Variants in ATF7IP observed in about 807,000 individuals in gnomAD.
The protein encoded by ATF7IP is activating transcription factor 7-interacting protein 1.
In ATF7IP, 23 loss-of-function variants were observed where a neutral mutation model predicts 106.4. The ratio of observed to expected loss-of-function variants is 0.22; its 90% confidence interval spans 0.16 to 0.31. The LOEUF is 0.31. Among genes scored for constraint, ATF7IP ranks in the 10% least tolerant of loss-of-function variants. The pLI, the probability that ATF7IP is intolerant of heterozygous loss-of-function variation, is 1.00. For missense variants in ATF7IP, 1,334 were observed against 1,524.3 expected (o/e 0.88, Z 2.08); for synonymous variants, 542 against 539.0 (o/e 1.01, Z -0.08).
intron 1 of ATF7IP, 138 bp from the exon 2 acceptor site, chr12:14,423,771 C>A (rs1343642419): frequency 2.4e-5 from 22 of 912,248 alleles, no homozygotes; most frequent in Non-Finnish European, 3.3e-5. Flanking sequence ...TAGTATACAA[C>A]AAGCAGTAGG....
rs7977220 is a variant in ATF7IP at position 14,494,345 on chromosome 12, A to G, written c.3281-1886A>G. 2.0e-3 allele frequency among the ~76,000 whole-genome samples: 213 copies of G among 105,922 alleles called. 6 individuals carry two copies. The highest frequency in any genetic ancestry group is 3.4e-3 in the African/African-American group (92 of 27,384). The allele number at this position is 105,922 out of a possible 152,430, so 69.5% of individuals were successfully genotyped here. A position where few individuals can be genotyped will look rare whatever the true frequency, so the allele number is the denominator to read the frequency against. ...TATATATATATATATGTGTGTGTGT[A>G]TATGTATATATACACATATGTTTCC... On this transcript the variant is annotated intron_variant, in intron 13 of 14. Transcript: ENST00000261168.
At chr12:14,463,033 T>C (rs1211378408) in intron 9 of ATF7IP, among the ~76,000 whole-genome samples, 2 of 152,044 alleles carry the variant, frequency 1.3e-5, no homozygotes, top group Non-Finnish European at 2.9e-5. Flanking sequence ...TTATTACTTA[T>C]AATATGTTAT....
intron 2 of ATF7IP, among the ~76,000 whole-genome samples, chr12:14,429,789 C>G (rs1454347269): frequency 6.6e-6 from 1 of 152,182 alleles, no homozygotes; most frequent in Non-Finnish European, 1.5e-5. Flanking sequence ...CTTGGCTTCT[C>G]TTTGTGGAGC....
rs1945152006 is a variant in ATF7IP, at chr12:14,501,209, T to C, written c.*3136T>C. The C allele has an allele frequency of 6.6e-6, 1 of 152,200 alleles. No homozygotes were observed. Among genetic ancestry groups the C allele is most frequent in the Admixed American group, 6.5e-5 (1 of 15,280 alleles). The allele number at this position is 152,200 out of a possible 1,614,324, so 9.4% of individuals were successfully genotyped here. On this transcript the variant is annotated 3_prime_UTR_variant, in exon 15 of 15. Coordinates refer to ENST00000261168, the MANE Select transcript of ATF7IP (RefSeq NM_018179.5). ...GTTACCTTTTTAGTTTCATAGTATC[T>C]TTTCACAAAGTATTACAAATAAGCT...
chr12:14,455,828 C>T (rs1469634117), intron 6 of ATF7IP, among the ~76,000 whole-genome samples: 1 of 152,048 alleles, frequency 6.6e-6, no homozygotes, highest in Non-Finnish European at 1.5e-5. Flanking sequence ...CTCAAGCAAT[C>T]CTTGCCTGTC....
At chr12:14,484,225 G>T (rs550417493) in intron 13 of ATF7IP, among the ~76,000 whole-genome samples, 3 of 152,248 alleles carry the variant, frequency 2.0e-5, no homozygotes, top group African/African-American at 4.8e-5. Flanking sequence ...CCATGTTGCT[G>T]AGCCCAGGCA....
At chr12:14,371,886 G>A (rs990052319) in intron 1 of ATF7IP, among the ~76,000 whole-genome samples, 1 of 151,976 alleles carries the variant, frequency 6.6e-6, no homozygotes, top group Non-Finnish European at 1.5e-5. Flanking sequence ...GTTTTTCAAG[G>A]GAGTCACATG....
intron 5 of ATF7IP, among the ~76,000 whole-genome samples, chr12:14,444,746 A>G (rs1463020126): frequency 1.3e-5 from 2 of 152,146 alleles, no homozygotes; most frequent in African/African-American, 2.4e-5. Context: ...CATTTTTAAA[A>G]TGATAATTCT....
intron 1 of ATF7IP, among the ~76,000 whole-genome samples, chr12:14,367,030 G>A (rs950521069): frequency 2.0e-5 from 3 of 152,074 alleles, no homozygotes; most frequent in Non-Finnish European, 4.4e-5. Context: ...CACAATTGGG[G>A]GAAGTTATAT....
intron 1 of ATF7IP, among the ~76,000 whole-genome samples, chr12:14,379,943 C>T (rs980497642): frequency 6.6e-6 from 1 of 151,998 alleles, no homozygotes; most frequent in Non-Finnish European, 1.5e-5. Flanking sequence ...AATTCTTGCC[C>T]TTCAACTCTG....
chr12:14,415,562 A>G (rs1445947196), intron 1 of ATF7IP, among the ~76,000 whole-genome samples: 1 of 152,140 alleles, frequency 6.6e-6, no homozygotes, highest in Non-Finnish European at 1.5e-5. Context: ...GTTTGGGGAT[A>G]TTGCATTCCA....
chr12:14,476,009 A>G (rs956206031), intron 11 of ATF7IP, 41 bp downstream of exon 11: 6 of 1,469,188 alleles, frequency 4.1e-6, no homozygotes, highest in South Asian at 1.1e-5. Context: ...TTTTGATACC[A>G]TTTTTTTTGT....
intron 1 of ATF7IP, among the ~76,000 whole-genome samples, chr12:14,378,901 T>C (rs1219961784): frequency 6.6e-6 from 1 of 152,208 alleles, no homozygotes; most frequent in Non-Finnish European, 1.5e-5. Flanking sequence ...TAAGACACAA[T>C]TCCTCAGGTA....
At chr12:14,431,386 A>T (rs1237572348) in intron 2 of ATF7IP, among the ~76,000 whole-genome samples, 6 of 150,962 alleles carry the variant, frequency 4.0e-5, no homozygotes, top group Non-Finnish European at 8.8e-5. Context: ...GACAGATTCT[A>T]AAAAAAACAT....
intron 1 of ATF7IP, among the ~76,000 whole-genome samples, chr12:14,415,998 C>T (rs1250502483): frequency 3.9e-5 from 6 of 152,084 alleles, no homozygotes; most frequent in African/African-American, 1.4e-4. Context: ...ATTTCAAAAT[C>T]TTTATACTAA....
chr12:14,402,013 CAG>C, intron 1 of ATF7IP, among the ~76,000 whole-genome samples: 1 of 151,456 alleles, frequency 6.6e-6, no homozygotes, highest in South Asian at 2.1e-4. Context: ...CGCCTGGCCT[CAG>C]AGTAAGTTTT....
intron 1 of ATF7IP, among the ~76,000 whole-genome samples, chr12:14,382,921 G>A (rs916246837): frequency 6.6e-6 from 1 of 152,198 alleles, no homozygotes; most frequent in Non-Finnish European, 1.5e-5. Flanking sequence ...ATCAGTGATA[G>A]GGTAATATAG....
At chr12:14,455,331 C>T (rs532410480) in intron 6 of ATF7IP, among the ~76,000 whole-genome samples, 1 of 152,070 alleles carries the variant, frequency 6.6e-6, no homozygotes, top group Admixed American at 6.5e-5. Flanking sequence ...ATCTTGACAG[C>T]CAGATTTTAA....
intron 1 of ATF7IP, among the ~76,000 whole-genome samples, chr12:14,420,841 C>A (rs1941471654): frequency 1.3e-5 from 2 of 152,126 alleles, no homozygotes; most frequent in South Asian, 4.2e-4. Flanking sequence ...TTCCAGGCAT[C>A]AGGGGCTGCT....
Sources: gnomAD v4.1 joint callset for allele counts (sites outside exome capture counted in the v4.1 genomes callset) on GRCh38, gnomAD v4.1.1 for gene constraint, MANE v1.5 for transcripts, NCBI Gene and HGNC (gene_info 2026-07-23, HGNC 2026-07-21) for gene names.